Variants in TAF1 observed in about 807,000 individuals in gnomAD.
The protein encoded by TAF1 is TATA-box binding protein associated factor 1, also known as transcription initiation factor TFIID subunit 1.
TAF1 carries 2 observed loss-of-function variants against 138.5 expected under a neutral mutation model. The observed-to-expected ratio is 0.01, with a 90% confidence interval of 0.01 to 0.05. TAF1 has a LOEUF of 0.05. Among genes scored for constraint, TAF1 ranks in the 10% least tolerant of loss-of-function variants. The pLI is 1.00. For synonymous variants in TAF1, 437 were observed against 503.2 expected, an observed-to-expected ratio of 0.87 and a Z score of 1.76; for missense variants, 709 against 1,478.0, an observed-to-expected ratio of 0.48 and a Z score of 8.53.
At position 71,446,884 on chromosome X, in the gene TAF1, C is replaced by T. The variant is rs887089925; in HGVS notation, c.4754-7286C>T. ...GAACCTCTTAATCTTGGAAACTAAACATCCTAATTTACATTTGATCCTCAT... is the reference window on the plus strand; with the variant it reads ...GAACCTCTTAATCTTGGAAACTAAATATCCTAATTTACATTTGATCCTCAT... On this transcript the variant is annotated intron_variant, in intron 32 of 37. Transcript: ENST00000423759. Among the ~76,000 whole-genome samples the T allele has an allele frequency of 2.2e-4, 25 of 111,677 alleles. No individual in the cohort carries two copies. The Admixed American group carries it at 2.4e-3, about 11-fold the overall frequency.
intron 13 of TAF1, among the ~76,000 whole-genome samples, chrX:71,505,607 C>G (rs747149587): frequency 6.2e-5 from 7 of 112,343 alleles, no homozygotes; most frequent in African/African-American, 2.3e-4. Context: ...TCAGAACTAT[C>G]AAGGTCATCA....
chrX:71,435,912 A>G (rs902631507), intron 32 of TAF1, among the ~76,000 whole-genome samples: 13 of 110,434 alleles, frequency 1.2e-4, no homozygotes, highest in Admixed American at 2.0e-4. Context: ...ATGTTTATCT[A>G]CTTTTTAGAA....
chrX:71,400,059 G>A (rs900481030), intron 24 of TAF1, among the ~76,000 whole-genome samples: 2 of 107,274 alleles, frequency 1.9e-5, no homozygotes, highest in Non-Finnish European at 3.9e-5. Context: ...TATTTTCTAG[G>A]AGTTGAGATA....
chrX:71,388,917 T>A, intron 17 of TAF1, 49 bp downstream of exon 17: 1 of 1,155,203 alleles, frequency 8.7e-7, no homozygotes, highest in Non-Finnish European at 1.2e-6. Flanking sequence ...TTTTTTGTTT[T>A]TTTTTTTCTT....
rs779889632 is a variant in TAF1, at chrX:71,393,351, A to T, written c.3102A>T (p.Ser1034=). 32 of 1,205,973 alleles carry T rather than the reference A, an allele frequency of 2.7e-5. No homozygotes were observed. The highest frequency in any genetic ancestry group is 3.4e-5 in the Non-Finnish European group (30 of 894,408). ...WEVIDVVRTM[S]TEQARSGEGP... ...TGATTGATGTGGTGCGCACAATGTC[A>T]ACAGAACAGGCTCGTTCTGGAGAGG... Residue 1034 remains serine (S), a synonymous_variant, in exon 21 of 38, where the codon TCA becomes TCT. Coordinates refer to ENST00000423759, the MANE Select transcript of TAF1 (RefSeq NM_004606.5).
intron 3 of TAF1, among the ~76,000 whole-genome samples, chrX:71,372,523 C>T (rs762128621): frequency 9.3e-6 from 1 of 107,482 alleles, no homozygotes; most frequent in Admixed American, 1.0e-4. Context: ...CCTATAGTCC[C>T]AGCTACTCAG....
chrX:71,371,462 G>A (rs1023054552), intron 3 of TAF1, among the ~76,000 whole-genome samples: 1 of 111,727 alleles, frequency 9.0e-6, no homozygotes, highest in African/African-American at 3.3e-5. Context: ...AACACGGCTT[G>A]TCTAAAGGTT....
At chrX:71,447,977 T>C (rs145513425) in intron 32 of TAF1, among the ~76,000 whole-genome samples, 314 of 111,901 alleles carry the variant, frequency 2.8e-3, no homozygotes, top group South Asian at 0.012. Context: ...CAACGTGACA[T>C]GTAGAGTTGC....
At chrX:71,387,972 C>T (rs907257561) in intron 15 of TAF1, among the ~76,000 whole-genome samples, 6 of 109,955 alleles carry the variant, frequency 5.5e-5, no homozygotes, top group African/African-American at 2.0e-4. Context: ...TGGTGGCGCA[C>T]GCCTATGGTC....
rs768913679 is a variant in TAF1, at chrX:71,463,856, C to T, written c.5432C>T (p.Ser1811Leu). 2.4e-5 allele frequency: 29 copies of T among 1,208,933 alleles called. No individual in the cohort carries two copies. Among genetic ancestry groups the T allele is most frequent in the African/African-American group, 5.3e-5 (3 of 57,099 alleles). ...AGCTATGAGGAGCCTGATCCCAAGT[C>T]GAACACCCAAGACACAAGCTTCAGC... ...YGSYEEPDPKSNTQDTSFSSI... is the reference protein window; with the variant it reads ...YGSYEEPDPKLNTQDTSFSSI... The change falls in exon 38 of 38, where the codon TCG becomes TTG. Residue 1811 changes from serine (S) to leucine (L), a missense_variant. Around this residue, in one of 14 missense-constraint regions of TAF1, gnomAD observed 123 missense variants for 174.7 expected, o/e 0.70. Transcript: ENST00000423759.
At chrX:71,469,471 C>T (rs1190726887), downstream of TAF1, among the ~76,000 whole-genome samples, 2 of 109,616 alleles carry the variant, frequency 1.8e-5, no homozygotes, top group East Asian at 5.8e-4. Flanking sequence ...AGGAGGGAGG[C>T]TTGATTGAGT....
chrX:71,409,379 TC>T (rs2035651458), intron 28 of TAF1, among the ~76,000 whole-genome samples: 2 of 110,818 alleles, frequency 1.8e-5, no homozygotes, highest in Middle Eastern at 4.7e-3. Context: ...CTTGCCCACC[TC>T]GGCCTCCCAA....
intron 32 of TAF1, among the ~76,000 whole-genome samples, chrX:71,432,117 C>A (rs1472735910): frequency 9.1e-6 from 1 of 110,369 alleles, no homozygotes; most frequent in East Asian, 2.8e-4. Flanking sequence ...AAAAGCCAGA[C>A]TGTAGGGGTT....
intron 17 of TAF1, 31 bp from the exon 18 acceptor site, chrX:71,389,554 C>CTGATTTATGCA: frequency 8.7e-7 from 1 of 1,151,512 alleles, no homozygotes; most frequent in Admixed American, 2.7e-5. Context: ...TTTTAACTGA[C>CTGATTTATGCA]TGATTTATGC....
At chrX:71,463,757 T>C in intron 37 of TAF1, 67 bp from the exon 38 acceptor site, 1 of 1,079,834 alleles carries the variant, frequency 9.3e-7, no homozygotes, top group African/African-American at 1.8e-5. Flanking sequence ...TTGGTGGCAC[T>C]GAGAATGGGA....
intron 13 of TAF1, among the ~76,000 whole-genome samples, chrX:71,487,833 T>G (rs748365640): frequency 1.8e-5 from 2 of 111,885 alleles, no homozygotes; most frequent in Non-Finnish European, 3.8e-5. Flanking sequence ...CTCCTCATGG[T>G]GGATTACATT....
intron 32 of TAF1, among the ~76,000 whole-genome samples, chrX:71,450,215 T>C (rs1396131966): frequency 1.8e-5 from 2 of 110,552 alleles, no homozygotes; most frequent in African/African-American, 6.6e-5. Flanking sequence ...ACTTTTTTTT[T>C]TTTTTGAGAC....
At chrX:71,468,830 G>A (rs748393812), downstream of TAF1, among the ~76,000 whole-genome samples, 217 of 99,831 alleles carry the variant, frequency 2.2e-3, no homozygotes, top group African/African-American at 7.5e-3. Context: ...CTGTCTCTAC[G>A]AAAAAAAAAA....
rs2038693948 is a variant in TAF1, at chrX:71,464,791, G to C, written c.*745G>C. Reference sequence around the variant, plus strand: ...AGATGAGAGCCCTCCTGCTGGGACAGAGAATTGGGTTCTAGTGGACTCTGT... The same window carrying C: ...AGATGAGAGCCCTCCTGCTGGGACACAGAATTGGGTTCTAGTGGACTCTGT... On this transcript the variant is annotated 3_prime_UTR_variant, in exon 38 of 38. Transcript: ENST00000423759. The C allele has an allele frequency of 8.9e-6, 1 of 112,359 alleles. No homozygotes were observed. Among genetic ancestry groups the C allele is most frequent in the African/African-American group, 3.3e-5 (1 of 30,745 alleles). 9.3% of individuals were successfully genotyped at this position (112,359 alleles called of 1,213,427 possible). A position where few individuals can be genotyped will look rare whatever the true frequency, so the allele number is the denominator to read the frequency against.
Sources: allele counts gnomAD v4.1 joint callset (sites outside exome capture counted in the v4.1 genomes callset), GRCh38; gene constraint gnomAD v4.1.1; regional missense constraint gnomAD v4.1.1; transcripts MANE v1.5; gene names NCBI Gene and HGNC (gene_info 2026-07-23, HGNC 2026-07-21).